The following GLRA3 variants were observed in gnomAD, a reference collection of about 807,000 sequenced individuals.
GLRA3 encodes glycine receptor alpha 3.
GLRA3 carries 44 observed loss-of-function variants against 60.4 expected under a neutral mutation model. The observed-to-expected ratio is 0.73, with a 90% CI of 0.57 to 0.94. GLRA3 has a LOEUF of 0.94. GLRA3 is among the 40% of genes least tolerant of loss of function. GLRA3 has a pLI of 0.00. For synonymous variants in GLRA3, 223 were observed against 192.9 expected (o/e 1.16, Z -1.29); for missense variants, 508 against 564.6 (o/e 0.90, Z 1.02).
At chr4:174,689,207 T>C (rs749979343) in intron 5 of GLRA3, among the ~76,000 whole-genome samples, 5 of 152,200 alleles carry the variant, frequency 3.3e-5, no homozygotes, top group Non-Finnish European at 7.3e-5. Flanking sequence ...TTTGGTTCTG[T>C]TATTGAAATA....
chr4:174,771,481 C>G (rs1738383766), intron 2 of GLRA3, among the ~76,000 whole-genome samples: 1 of 151,092 alleles, frequency 6.6e-6, no homozygotes, highest in Non-Finnish European at 1.5e-5. Context: ...CAATATGAAT[C>G]TGAGAAACAT....
At position 174,638,668 on chromosome 4, in the gene GLRA3, C is replaced by T. The variant is rs1309242092; in HGVS notation, c.*5118G>A. 6.6e-6 allele frequency: 1 copy of T among 152,104 alleles called. No homozygotes were observed. Among genetic ancestry groups the T allele is most frequent in the Non-Finnish European group, 1.5e-5 (1 of 68,008 alleles). The allele number at this position is 152,104 out of a possible 1,614,324, so 9.4% of individuals were successfully genotyped here. A position where few individuals can be genotyped will look rare whatever the true frequency, so the allele number is the denominator to read the frequency against. On this transcript the variant is annotated 3_prime_UTR_variant, in exon 10 of 10. Coordinates refer to ENST00000274093, the MANE Select transcript of GLRA3 (RefSeq NM_006529.4). ...CTTGAAGAAAGAAAAAATGATAAAA[C>T]TTAAAAAGTGTTAAATTGATCCTTA...
At chr4:174,818,455 T>C (rs1403050386) in intron 1 of GLRA3, among the ~76,000 whole-genome samples, 1 of 152,150 alleles carries the variant, frequency 6.6e-6, no homozygotes. Context: ...GATTCACAGT[T>C]ATCACTTAGG....
At chr4:174,687,943 A>G (rs1324433296) in intron 5 of GLRA3, among the ~76,000 whole-genome samples, 1 of 152,088 alleles carries the variant, frequency 6.6e-6, no homozygotes, top group Non-Finnish European at 1.5e-5. Context: ...CCAATTCCAC[A>G]TTGCAATTAA....
chr4:174,681,721 C>T (rs749766244), intron 6 of GLRA3, among the ~76,000 whole-genome samples: 11 of 152,070 alleles, frequency 7.2e-5, no homozygotes, highest in Non-Finnish European at 1.5e-4. Context: ...TTTAAGACAC[C>T]GTTTGTGATA....
At chr4:174,665,698 C>T (rs1733642257) in intron 7 of GLRA3, among the ~76,000 whole-genome samples, 1 of 152,162 alleles carries the variant, frequency 6.6e-6, no homozygotes, top group African/African-American at 2.4e-5. Context: ...ACATTATCCA[C>T]TTATGTATCT....
At chr4:174,656,721 A>T (rs771177080) in intron 9 of GLRA3, 22 bp downstream of exon 9, 1 of 1,352,938 alleles carries the variant, frequency 7.4e-7, no homozygotes, top group Non-Finnish European at 1.1e-6. Context: ...TCCTCTATTT[A>T]GAGTTAAGAA....
In GLRA3 at chr4:174,643,166, T is replaced by G. The variant is rs1732677309; in HGVS notation, c.*620A>C. On this transcript the variant is annotated 3_prime_UTR_variant, in exon 10 of 10. Coordinates refer to ENST00000274093, the MANE Select transcript of GLRA3 (RefSeq NM_006529.4). ...CGATCTCTTGTTATTTGTTTTAAATTTGCACAGAGGAAAACTTAATATTCT... is the reference window on the plus strand; with the variant it reads ...CGATCTCTTGTTATTTGTTTTAAATGTGCACAGAGGAAAACTTAATATTCT... 1.2e-6 allele frequency: 1 copy of G among 866,972 alleles called. No homozygotes were observed. The highest frequency in any genetic ancestry group is 1.8e-5 in the African/African-American group (1 of 54,348). 53.7% of individuals were successfully genotyped at this position (866,972 alleles called of 1,614,324 possible). A position where few individuals can be genotyped will look rare whatever the true frequency, so the allele number is the denominator to read the frequency against.
chr4:174,679,307 C>T (rs755654392), intron 6 of GLRA3, among the ~76,000 whole-genome samples: 7 of 151,690 alleles, frequency 4.6e-5, no homozygotes, highest in East Asian at 1.9e-4. Context: ...GGTGACAGAG[C>T]GAGACTCCAA....
chr4:174,647,302 G>A (rs1019657400), intron 9 of GLRA3, among the ~76,000 whole-genome samples: 2 of 152,012 alleles, frequency 1.3e-5, no homozygotes, highest in Non-Finnish European at 2.9e-5. Flanking sequence ...CAGCTACTCT[G>A]GAGGCTGAGG....
chr4:174,767,055 G>C (rs766237511), intron 2 of GLRA3, 25 bp from the exon 3 acceptor site: 46 of 1,357,500 alleles, frequency 3.4e-5, no homozygotes, highest in Non-Finnish European at 4.8e-5. Context: ...AAAACATAAG[G>C]GCTGTTTAGA....
At chr4:174,775,575 T>C (rs887462624) in intron 2 of GLRA3, among the ~76,000 whole-genome samples, 1 of 152,160 alleles carries the variant, frequency 6.6e-6, no homozygotes, top group Admixed American at 6.5e-5. Flanking sequence ...GGGTGATTAC[T>C]GAAGGAATAC....
intron 5 of GLRA3, among the ~76,000 whole-genome samples, chr4:174,684,628 T>C (rs1484934875): frequency 1.3e-5 from 2 of 152,210 alleles, no homozygotes; most frequent in Non-Finnish European, 2.9e-5. Flanking sequence ...GTTGTTACTT[T>C]GATCAATGAG....
chr4:174,804,025 T>A (rs1019570626), intron 1 of GLRA3, among the ~76,000 whole-genome samples: 7 of 152,184 alleles, frequency 4.6e-5, no homozygotes, highest in African/African-American at 1.2e-4. Flanking sequence ...AACTGCTGAA[T>A]GGATATTTAA....
intron 3 of GLRA3, among the ~76,000 whole-genome samples, chr4:174,734,444 G>A (rs1245292245): frequency 3.3e-5 from 5 of 152,138 alleles, no homozygotes; most frequent in Non-Finnish European, 7.4e-5. Flanking sequence ...TGGCCCATTG[G>A]GAAAGTGCCT....
At chr4:174,670,473 A>G (rs74667764) in intron 7 of GLRA3, among the ~76,000 whole-genome samples, 2,983 of 152,276 alleles carry the variant, frequency 0.02, 43 homozygotes, top group Middle Eastern at 0.071. Context: ...TTGGGGACTC[A>G]GGGTACGATT....
intron 5 of GLRA3, among the ~76,000 whole-genome samples, chr4:174,685,271 T>C (rs1219761714): frequency 1.3e-5 from 2 of 152,146 alleles, no homozygotes; most frequent in African/African-American, 2.4e-5. Flanking sequence ...CTGCTCCAGC[T>C]GTGGTGGTAG....
intron 2 of GLRA3, among the ~76,000 whole-genome samples, chr4:174,784,146 A>G (rs1185660236): frequency 7.4e-6 from 1 of 135,790 alleles, no homozygotes; most frequent in East Asian, 2.2e-4. Context: ...GCCATAAAAA[A>G]TGATGAGTTC....
intron 2 of GLRA3, among the ~76,000 whole-genome samples, chr4:174,783,343 T>A: frequency 7.4e-6 from 1 of 135,810 alleles, no homozygotes; most frequent in South Asian, 2.2e-4. Context: ...GACTTACATG[T>A]TAGACCTAAA....
Sources: gnomAD v4.1 joint callset for allele counts (sites outside exome capture counted in the v4.1 genomes callset) on GRCh38, gnomAD v4.1.1 for gene constraint, MANE v1.5 for transcripts, NCBI Gene and HGNC (gene_info 2026-07-23, HGNC 2026-07-21) for gene names.